The following FUT9 variants were observed in gnomAD, a reference collection of about 807,000 sequenced individuals.
FUT9 encodes the protein fucosyltransferase 9, also known as 4-galactosyl-N-acetylglucosaminide 3-alpha-L-fucosyltransferase 9.
A neutral mutation model predicts 29.7 loss-of-function variants in FUT9; 15 were observed. The observed-to-expected ratio is 0.51, with a 90% CI of 0.34 to 0.78. FUT9 has a LOEUF of 0.78. Among genes scored for constraint, FUT9 ranks in the 30% least tolerant of loss-of-function variants. FUT9 has a pLI of 0.01. For synonymous variants in FUT9, 169 were observed against 153.7 expected (o/e 1.10, Z -0.74); for missense variants, 319 against 425.4 (o/e 0.75, Z 2.20).
chr6:96,079,133 A>G (rs1771194046), intron 1 of FUT9, among the ~76,000 whole-genome samples: 1 of 152,094 alleles, frequency 6.6e-6, no homozygotes, highest in African/African-American at 2.4e-5. Flanking sequence ...ATTTCTCTTG[A>G]AAATAGATAT....
At chr6:96,088,847 A>G (rs1190145980) in intron 1 of FUT9, among the ~76,000 whole-genome samples, 2 of 152,098 alleles carry the variant, frequency 1.3e-5, no homozygotes, top group Admixed American at 1.3e-4. Flanking sequence ...TGAATGTCAT[A>G]TATTGTGAAT....
intron 1 of FUT9, among the ~76,000 whole-genome samples, chr6:96,035,525 A>G (rs1770337094): frequency 6.7e-6 from 1 of 149,792 alleles, no homozygotes; most frequent in African/African-American, 2.4e-5. Flanking sequence ...TCCATTTTTA[A>G]GAGGTAAGTT....
At chr6:96,200,010 C>T (rs1469892218) in intron 2 of FUT9, among the ~76,000 whole-genome samples, 1 of 152,064 alleles carries the variant, frequency 6.6e-6, no homozygotes, top group Non-Finnish European at 1.5e-5. Context: ...TATCAAGTGC[C>T]CAGATTCTAA....
intron 2 of FUT9, among the ~76,000 whole-genome samples, chr6:96,192,895 G>GT (rs1773540258): frequency 1.3e-5 from 2 of 151,614 alleles, no homozygotes; most frequent in Non-Finnish European, 2.9e-5. Context: ...CCGAAATAAT[G>GT]CTGCATATCT....
chr6:96,191,161 C>T (rs1773500834), intron 2 of FUT9, among the ~76,000 whole-genome samples: 1 of 151,978 alleles, frequency 6.6e-6, no homozygotes, highest in Non-Finnish European at 1.5e-5. Flanking sequence ...TGCTGGAGGT[C>T]CACTCTAGAC....
At chr6:96,167,170 A>T (rs1390829805) in intron 2 of FUT9, among the ~76,000 whole-genome samples, 1 of 152,222 alleles carries the variant, frequency 6.6e-6, no homozygotes, top group Non-Finnish European at 1.5e-5. Context: ...AATTAAGAAT[A>T]ATTTAAAGTC....
intron 1 of FUT9, among the ~76,000 whole-genome samples, chr6:96,017,569 T>C (rs1770000949): frequency 6.6e-6 from 1 of 152,144 alleles, no homozygotes. Context: ...AAATTTATGG[T>C]TTAATATTTT....
At chr6:96,084,601 G>A (rs1771287090) in intron 1 of FUT9, among the ~76,000 whole-genome samples, 1 of 152,100 alleles carries the variant, frequency 6.6e-6, no homozygotes, top group South Asian at 2.1e-4. Flanking sequence ...TAGCAAATTA[G>A]CAACACAGTA....
At chr6:96,037,091 C>G (rs979986203) in intron 1 of FUT9, 7 of 152,024 alleles carry the variant, frequency 4.6e-5, no homozygotes, top group Admixed American at 2.6e-4. Context: ...TTTTAGGATT[C>G]TATGAGTCCC....
At chr6:96,091,331 A>C (rs546852715) in intron 1 of FUT9, among the ~76,000 whole-genome samples, 10 of 152,204 alleles carry the variant, frequency 6.6e-5, no homozygotes, top group African/African-American at 1.9e-4. Context: ...TTTTCTAAAA[A>C]TTCAATTTTT....
intron 1 of FUT9, among the ~76,000 whole-genome samples, chr6:96,058,564 G>T (rs1374951041): frequency 1.4e-5 from 2 of 146,048 alleles, no homozygotes; most frequent in Admixed American, 1.4e-4. Context: ...AGAATTTTTT[G>T]AAATGAATAA....
chr6:96,107,650 A>C (rs1301224829), intron 1 of FUT9, among the ~76,000 whole-genome samples: 2 of 152,206 alleles, frequency 1.3e-5, no homozygotes, highest in Non-Finnish European at 2.9e-5. Flanking sequence ...ACCATTACTA[A>C]TCTGTATTCC....
chr6:96,024,068 G>A (rs72627716), intron 1 of FUT9, among the ~76,000 whole-genome samples: 25,180 of 151,796 alleles, frequency 0.17, 2,795 homozygotes, highest in Admixed American at 0.31. Flanking sequence ...TTGGCCCAAA[G>A]GGCTCCATTC....
chr6:96,194,224 T>C (rs1413302758), intron 2 of FUT9, among the ~76,000 whole-genome samples: 1 of 152,012 alleles, frequency 6.6e-6, no homozygotes, highest in East Asian at 1.9e-4. Flanking sequence ...AAATTTAGTG[T>C]ACGTCAGAAC....
At chr6:96,156,889 A>G (rs1037445576) in intron 2 of FUT9, among the ~76,000 whole-genome samples, 3 of 152,244 alleles carry the variant, frequency 2.0e-5, no homozygotes, top group African/African-American at 7.2e-5. Flanking sequence ...ACTCAAATGT[A>G]CAAATTATGA....
At chr6:96,123,772 G>T (rs1772076928) in intron 2 of FUT9, among the ~76,000 whole-genome samples, 1 of 151,944 alleles carries the variant, frequency 6.6e-6, no homozygotes, top group Non-Finnish European at 1.5e-5. Context: ...AGGAGCGTGG[G>T]GACATTTTAT....
chr6:96,079,028 C>G (rs1056835726), intron 1 of FUT9, among the ~76,000 whole-genome samples: 10 of 152,110 alleles, frequency 6.6e-5, no homozygotes, highest in African/African-American at 2.2e-4. Flanking sequence ...ATTTCATTTT[C>G]AGATCCTTGC....
chr6:96,158,050 G>T (rs987987917), intron 2 of FUT9, among the ~76,000 whole-genome samples: 1 of 152,022 alleles, frequency 6.6e-6, no homozygotes, highest in Non-Finnish European at 1.5e-5. Context: ...ATTAGATAAG[G>T]CCTCAACAAT....
At chr6:96,129,290 AAAC>A (rs1339970419) in intron 2 of FUT9, among the ~76,000 whole-genome samples, 2 of 6,074 alleles carry the variant, frequency 3.3e-4, no homozygotes, top group African/African-American at 4.4e-4. Flanking sequence ...AAAAAAAAAA[AAAC>A]AAACAACCAG....
Sources: gnomAD v4.1 joint callset for allele counts (sites outside exome capture counted in the v4.1 genomes callset) on GRCh38, gnomAD v4.1.1 for gene constraint, MANE v1.5 for transcripts, NCBI Gene and HGNC (gene_info 2026-07-23, HGNC 2026-07-21) for gene names.